The following LARGE1 variants were observed in gnomAD, a reference collection of about 807,000 sequenced individuals.
The protein encoded by LARGE1 is LARGE xylosyl- and glucuronyltransferase 1.
LARGE1 carries 43 observed loss-of-function variants against 87.6 expected under a neutral mutation model. That is an observed-to-expected ratio of 0.49 (90% CI 0.38 to 0.63). The LOEUF is 0.63. LARGE1 is among the 30% of genes least tolerant of loss of function. The pLI, the probability that LARGE1 is intolerant of heterozygous loss-of-function variation, is 0.00. For missense variants in LARGE1, 802 were observed against 1,000.2 expected (o/e 0.80, Z 2.67); for synonymous variants, 434 against 394.6 (o/e 1.10, Z -1.18).
rs544055083 is a variant in LARGE1, at chr22:33,460,826, T to C, written c.788-28561A>G. 2.0e-5 allele frequency among the ~76,000 whole-genome samples: 3 copies of C among 152,266 alleles called. No individual in the cohort carries two copies. In the East Asian group the frequency reaches 5.8e-4, roughly 29 times the overall value. On this transcript the variant is annotated intron_variant, in intron 6 of 14. Coordinates refer to ENST00000397394, the MANE Select transcript of LARGE1 (RefSeq NM_133642.5). ...GTAAGGAGCCAGTTCTATAGGAAAT[T>C]TGCCTGTCTTAGCCTTGGGTCTGGG...
chr22:33,536,385 G>C (rs2077044076), intron 6 of LARGE1, among the ~76,000 whole-genome samples: 1 of 152,130 alleles, frequency 6.6e-6, no homozygotes, highest in South Asian at 2.1e-4. Flanking sequence ...CATGATTTGG[G>C]ATCTCCAAAT....
chr22:33,909,527 T>C (rs947773212), intron 1 of LARGE1, among the ~76,000 whole-genome samples: 1 of 131,866 alleles, frequency 7.6e-6, no homozygotes, highest in African/African-American at 3.2e-5. Flanking sequence ...CTTTTGTTTT[T>C]TTTTTTTTGT....
At chr22:33,501,608 C>T (rs922061431) in intron 6 of LARGE1, among the ~76,000 whole-genome samples, 3 of 152,178 alleles carry the variant, frequency 2.0e-5, no homozygotes, top group African/African-American at 4.8e-5. Context: ...TGATCCAAGT[C>T]GTTCTTAATC....
At chr22:33,333,944 A>C (rs5998878) in intron 10 of LARGE1, among the ~76,000 whole-genome samples, 23,859 of 151,144 alleles carry the variant, frequency 0.16, 4,261 homozygotes, top group African/African-American at 0.44. Context: ...CACAGCGAAA[A>C]CCTGTCTCTA....
At chr22:33,913,166 G>A (rs751009364) in intron 1 of LARGE1, among the ~76,000 whole-genome samples, 8 of 151,992 alleles carry the variant, frequency 5.3e-5, no homozygotes, top group Admixed American at 2.0e-4. Flanking sequence ...CATACACACC[G>A]CCTCTCCTGT....
At chr22:33,773,398 T>C (rs1021326823) in intron 1 of LARGE1, among the ~76,000 whole-genome samples, 1 of 152,222 alleles carries the variant, frequency 6.6e-6, no homozygotes, top group African/African-American at 2.4e-5. Flanking sequence ...TTTGTCTTGA[T>C]CCTGCTGCGA....
At chr22:33,822,200 A>T (rs1364032711) in intron 1 of LARGE1, among the ~76,000 whole-genome samples, 1 of 152,176 alleles carries the variant, frequency 6.6e-6, no homozygotes, top group African/African-American at 2.4e-5. Flanking sequence ...TGTCTGGACA[A>T]TCAGCCCTAC....
intron 11 of LARGE1, among the ~76,000 whole-genome samples, chr22:33,314,726 G>A (rs1601410251): frequency 6.6e-6 from 1 of 152,110 alleles, no homozygotes; most frequent in Non-Finnish European, 1.5e-5. Flanking sequence ...GCTGAGGGGG[G>A]ATGACATGTG....
At chr22:33,822,816 G>C (rs970395493) in intron 1 of LARGE1, among the ~76,000 whole-genome samples, 11 of 152,190 alleles carry the variant, frequency 7.2e-5, no homozygotes, top group African/African-American at 2.7e-4. Flanking sequence ...TCACACGTAG[G>C]AATGATCTTC....
chr22:33,809,046 C>T (rs984876104), intron 1 of LARGE1, among the ~76,000 whole-genome samples: 4 of 132,608 alleles, frequency 3.0e-5, no homozygotes, highest in South Asian at 2.5e-4. Flanking sequence ...CCAAGGTGGG[C>T]GGATCACCCG....
intron 1 of LARGE1, among the ~76,000 whole-genome samples, chr22:33,901,651 A>G (rs1003130520): frequency 2.6e-5 from 4 of 152,226 alleles, no homozygotes; most frequent in African/African-American, 9.6e-5. Flanking sequence ...AGCCTGGGCA[A>G]CAGAGTGAGA....
chr22:33,919,612 T>C (rs2065884781), intron 1 of LARGE1, among the ~76,000 whole-genome samples: 1 of 152,226 alleles, frequency 6.6e-6, no homozygotes. Context: ...CGAAAGGTAG[T>C]TGCGTACCGC....
At chr22:33,434,330 C>G (rs1236816832) in intron 6 of LARGE1, among the ~76,000 whole-genome samples, 2 of 152,174 alleles carry the variant, frequency 1.3e-5, no homozygotes, top group Non-Finnish European at 2.9e-5. Context: ...GAGACGTAGT[C>G]TCGCTCTGTT....
At chr22:33,139,780 C>G in the LARGE1 span, among the ~76,000 whole-genome samples, 1 of 152,184 alleles carries the variant, frequency 6.6e-6, no homozygotes, top group East Asian at 1.9e-4. Context: ...TTAAGGGAAC[C>G]CTTAGGCTTG....
At chr22:33,235,487 C>T (rs535694458) in intron 11 of LARGE1, among the ~76,000 whole-genome samples, 9 of 151,946 alleles carry the variant, frequency 5.9e-5, no homozygotes, top group Non-Finnish European at 7.4e-5. Flanking sequence ...AACAAACAAA[C>T]GGATCTCTCA....
intron 6 of LARGE1, among the ~76,000 whole-genome samples, chr22:33,458,963 A>G (rs187778215): frequency 2.2e-4 from 34 of 152,324 alleles, no homozygotes; most frequent in Admixed American, 2.2e-3. Flanking sequence ...GGGCATTTAA[A>G]ATACATTGCT....
At position 33,594,358 on chromosome 22, in the gene LARGE1, C is replaced by CA. The variant is rs60241836; in HGVS notation, c.615+10076dup. Among the ~76,000 whole-genome samples, 736 of 152,036 alleles carry CA rather than the reference C, an allele frequency of 4.8e-3. 8 individuals are homozygous for CA. The highest frequency in any genetic ancestry group is 0.016 in the African/African-American group (659 of 41,484). On this transcript the variant is annotated intron_variant, in intron 5 of 14. Transcript: ENST00000397394. ...GCCACTCAATCCCAGGCTAACATGC[C>CA]AAAAAAAGAACCCCAAAAAGGGCCT...
rs146675452 is a variant in LARGE1, at chr22:33,868,838, A to G, written c.-83+51157T>C. Among the ~76,000 whole-genome samples, 133 of 152,238 alleles carry G rather than the reference A, an allele frequency of 8.7e-4. 1 individual carries two copies. Among genetic ancestry groups the G allele is most frequent in the African/African-American group, 3.1e-3 (128 of 41,544 alleles). On this transcript the variant is annotated intron_variant, in intron 1 of 14. Transcript: ENST00000397394. Reference sequence around the variant, plus strand: ...ACAGACTTGACAATGACCATGGCTGACCTTGAGGGGCTCAAAACTAAATGG... The same window carrying G: ...ACAGACTTGACAATGACCATGGCTGGCCTTGAGGGGCTCAAAACTAAATGG...
chr22:33,244,228 C>A (rs966410020), intron 11 of LARGE1, among the ~76,000 whole-genome samples: 1 of 152,038 alleles, frequency 6.6e-6, no homozygotes, highest in Non-Finnish European at 1.5e-5. Flanking sequence ...ATCTCCTGAC[C>A]TCGTGATCCG....
Sources: gnomAD v4.1 joint callset for allele counts (sites outside exome capture counted in the v4.1 genomes callset) on GRCh38, gnomAD v4.1.1 for gene constraint, MANE v1.5 for transcripts, NCBI Gene and HGNC (gene_info 2026-07-23, HGNC 2026-07-21) for gene names.